Variants in PCDHA1 observed in about 807,000 individuals in gnomAD.
PCDHA1 encodes the protein protocadherin alpha 1.
In PCDHA1, 42 loss-of-function variants were observed where a neutral mutation model predicts 61.3. The observed-to-expected ratio is 0.69, with a 90% CI of 0.54 to 0.89. PCDHA1 has a LOEUF of 0.89. PCDHA1 is among the 40% of genes least tolerant of loss of function. The pLI is 0.00. For missense variants in PCDHA1, 1,256 were observed against 1,235.3 expected, an observed-to-expected ratio of 1.02 and a Z score of -0.25; for synonymous variants, 610 against 553.8, an observed-to-expected ratio of 1.10 and a Z score of -1.43.
intron 1 of PCDHA1, among the ~76,000 whole-genome samples, chr5:140,933,279 C>T (rs992723234): frequency 6.6e-6 from 1 of 151,840 alleles, no homozygotes; most frequent in African/African-American, 2.4e-5. Flanking sequence ...TCATTTGGAA[C>T]TTGTTTTGGA....
At chr5:140,799,126 T>C (rs1177983344) in intron 1 of PCDHA1, among the ~76,000 whole-genome samples, 1 of 152,198 alleles carries the variant, frequency 6.6e-6, no homozygotes, top group African/African-American at 2.4e-5. Context: ...TTTACATTTT[T>C]TCTTGGTTGT....
intron 1 of PCDHA1, among the ~76,000 whole-genome samples, chr5:140,913,040 G>T (rs1554195697): frequency 1.3e-5 from 2 of 152,022 alleles, no homozygotes; most frequent in African/African-American, 4.8e-5. Flanking sequence ...AGATATATTG[G>T]CCTGGAGTTT....
chr5:140,861,565 T>C (rs1191527978), intron 1 of PCDHA1: 2 of 376,886 alleles, frequency 5.3e-6, no homozygotes, highest in South Asian at 4.9e-5. Flanking sequence ...GTGGACAAGC[T>C]GCTACAGGTT....
At chr5:140,866,347 A>G (rs1554160242) in intron 1 of PCDHA1, 2 of 152,140 alleles carry the variant, frequency 1.3e-5, no homozygotes, top group Admixed American at 6.5e-5. Context: ...GGATTCAAGA[A>G]ATGTTTACAA....
rs1401604778 is a variant in PCDHA1, at chr5:140,834,718, G to A, written c.2394+46034G>A. On this transcript the variant is annotated intron_variant, in intron 1 of 3. Coordinates refer to ENST00000504120, the MANE Select transcript of PCDHA1 (RefSeq NM_018900.4). ...ATCCACCTGGAGGTGATCGTGGAAA[G>A]GCCGCTGCAGGTTTTCCATGTGGAC... 9 of 1,614,148 alleles carry A rather than the reference G, an allele frequency of 5.6e-6. No homozygotes were observed. Among genetic ancestry groups the A allele is most frequent in the Middle Eastern group, 1.6e-4 (1 of 6,084 alleles).
chr5:140,841,711 G>A (rs1385576183), intron 1 of PCDHA1: 3 of 1,613,772 alleles, frequency 1.9e-6, no homozygotes, highest in Admixed American at 1.7e-5. Flanking sequence ...ATGACAACCC[G>A]CCAGTGTTCC....
Position 141,001,288 on chromosome 5 carries a change from C to T in PCDHA1, c.2543-8339C>T, listed in dbSNP as rs147786395. 2.9e-3 allele frequency among the ~76,000 whole-genome samples: 438 copies of T among 152,218 alleles called. 7 individuals are homozygous for T. The East Asian group carries it at 0.044, about 15-fold the overall frequency. ...TATGAACTTTTTTTACGGATGAAAACTGAGGCCCAGAGATATGAAATAATT... is the reference window on the plus strand; with the variant it reads ...TATGAACTTTTTTTACGGATGAAAATTGAGGCCCAGAGATATGAAATAATT... On this transcript the variant is annotated intron_variant, in intron 3 of 3. Transcript: ENST00000504120.
rs1554117748 is a variant in PCDHA1 at position 140,787,262 on chromosome 5, T to C, written c.972T>C (p.Asp324=). The part of the protein sequence containing the change: ...KSYEIQVKAV[D]KGSPPMSNHC... ...ACGAAATTCAAGTAAAGGCAGTTGA[T>C]AAAGGAAGTCCTCCGATGTCAAATC... Residue 324 remains aspartate, a synonymous_variant, in exon 1 of 4, where the codon GAT becomes GAC. Transcript: ENST00000504120. 2 of 1,614,184 alleles carry C rather than the reference T, an allele frequency of 1.2e-6. No homozygotes were observed. Among genetic ancestry groups the C allele is most frequent in the Admixed American group, 3.3e-5 (2 of 60,034 alleles).
intron 1 of PCDHA1, among the ~76,000 whole-genome samples, chr5:140,941,214 C>CTTTTT (rs1554214039): frequency 1.2e-4 from 15 of 122,492 alleles, no homozygotes; most frequent in African/African-American, 4.3e-4. Context: ...TTTCTTTCTT[C>CTTTTT]CTTTCTTTCT....
chr5:140,857,057 G>A, intron 1 of PCDHA1: 1 of 1,596,192 alleles, frequency 6.3e-7, no homozygotes, highest in African/African-American at 1.3e-5. Flanking sequence ...CACGGTCCTA[G>A]TGGAACTACT....
At chr5:140,987,956 C>T (rs1270495363) in intron 3 of PCDHA1, among the ~76,000 whole-genome samples, 2 of 152,144 alleles carry the variant, frequency 1.3e-5, no homozygotes, top group African/African-American at 4.8e-5. Flanking sequence ...ACAAAACCAA[C>T]TCCCCATGGA....
At chr5:140,831,961 A>G (rs1331979824) in intron 1 of PCDHA1, among the ~76,000 whole-genome samples, 1 of 152,176 alleles carries the variant, frequency 6.6e-6, no homozygotes, top group Non-Finnish European at 1.5e-5. Flanking sequence ...ACTTTATGTC[A>G]TTTTATGCTA....
At chr5:140,824,610 G>GTTGTTTTTTTTT (rs1768193318) in intron 1 of PCDHA1, 1 of 95,104 alleles carries the variant, frequency 1.1e-5, no homozygotes, top group African/African-American at 4.9e-5. Flanking sequence ...GCTAATTAAA[G>GTTGTTTTTTTTT]TTTTTTTTTT....
In PCDHA1 at chr5:140,786,443, C is replaced by T; in HGVS notation, c.153C>T (p.Asp51=). 2.5e-6 allele frequency: 4 copies of T among 1,613,488 alleles called. No individual in the cohort carries two copies. Among genetic ancestry groups the T allele is most frequent in the Non-Finnish European group, 3.4e-6 (4 of 1,180,038 alleles). ...HGTFVGRVAQ[D]LGLELAELVP... ...CCTTCGTTGGCCGCGTTGCTCAGGA[C>T]CTGGGACTGGAGCTGGCGGAGCTGG... The change falls in exon 1 of 4, where the codon GAC becomes GAT. Residue 51 remains aspartate (D), a synonymous_variant. Transcript: ENST00000504120.
intron 1 of PCDHA1, among the ~76,000 whole-genome samples, chr5:140,959,348 G>C (rs991931151): frequency 1.3e-5 from 2 of 152,110 alleles, no homozygotes; most frequent in Admixed American, 6.5e-5. Flanking sequence ...GCACTCCAGC[G>C]GGACAACTGA....
chr5:140,831,301 T>C (rs2150193400), intron 1 of PCDHA1: 1 of 152,322 alleles, frequency 6.6e-6, no homozygotes, highest in African/African-American at 2.4e-5. Context: ...TCTAAATCTA[T>C]TTCTTTGTAT....
intron 1 of PCDHA1, among the ~76,000 whole-genome samples, chr5:140,838,012 A>G (rs2150146283): frequency 6.6e-6 from 1 of 151,110 alleles, no homozygotes; most frequent in East Asian, 1.9e-4. Flanking sequence ...TAAAAAAAGA[A>G]GTGATTACAG....
intron 1 of PCDHA1, chr5:140,929,001 G>A (rs782325865): frequency 6.2e-7 from 1 of 1,613,996 alleles, no homozygotes; most frequent in East Asian, 2.2e-5. Context: ...TTTTCTTCGT[G>A]TGTACCAAGT....
At chr5:140,939,603 C>T (rs1158258856) in intron 1 of PCDHA1, among the ~76,000 whole-genome samples, 1 of 152,068 alleles carries the variant, frequency 6.6e-6, no homozygotes, top group Non-Finnish European at 1.5e-5. Flanking sequence ...TGCTCAAAAA[C>T]AGAACAAGGA....
Sources: allele counts gnomAD v4.1 joint callset (sites outside exome capture counted in the v4.1 genomes callset), GRCh38; gene constraint gnomAD v4.1.1; transcripts MANE v1.5; gene names NCBI Gene and HGNC (gene_info 2026-07-23, HGNC 2026-07-21).